CNTN4: variants seen among roughly 807,000 people sequenced by gnomAD.
CNTN4 encodes the protein contactin-4.
In CNTN4, 77 loss-of-function variants were observed where a neutral mutation model predicts 122.5. That is an observed-to-expected ratio of 0.63 (90% CI 0.52 to 0.76). The LOEUF is 0.76. Among genes scored for constraint, CNTN4 ranks in the 30% least tolerant of loss-of-function variants. The probability of loss-of-function intolerance (pLI) is 0.00; values close to 1 mark genes in which losing one functional copy is unlikely to be tolerated. For synonymous variants in CNTN4, 512 were observed against 447.0 expected (o/e 1.15, Z -1.83); for missense variants, 1,256 against 1,259.1 (o/e 1.00, Z 0.04).
At chr3:2,537,018 A>G (rs1337802963) in intron 3 of CNTN4, among the ~76,000 whole-genome samples, 2 of 152,146 alleles carry the variant, frequency 1.3e-5, no homozygotes, top group African/African-American at 2.4e-5. Flanking sequence ...TGCCTAATAT[A>G]TGAGTAGTAT....
intron 2 of CNTN4, among the ~76,000 whole-genome samples, chr3:2,267,930 C>T (rs1362595743): frequency 6.6e-6 from 1 of 151,808 alleles, no homozygotes; most frequent in Non-Finnish European, 1.5e-5. Context: ...GACTTTTACG[C>T]TAGAGTTATA....
At chr3:2,208,011 A>G (rs947403246) in intron 2 of CNTN4, among the ~76,000 whole-genome samples, 1 of 152,146 alleles carries the variant, frequency 6.6e-6, no homozygotes, top group Admixed American at 6.6e-5. Flanking sequence ...GAGATAGACA[A>G]GATTGATATT....
intron 3 of CNTN4, among the ~76,000 whole-genome samples, chr3:2,448,535 G>A (rs915501287): frequency 5.9e-5 from 9 of 152,126 alleles, no homozygotes; most frequent in African/African-American, 9.7e-5. Context: ...TTGAACACTC[G>A]AAAGCTATCG....
chr3:2,776,110 C>T (rs1360667409), intron 6 of CNTN4, among the ~76,000 whole-genome samples: 1 of 152,042 alleles, frequency 6.6e-6, no homozygotes, highest in Non-Finnish European at 1.5e-5. Context: ...GATGGCCACC[C>T]AGAAGGACAC....
At chr3:2,943,725 G>A (rs993201955) in intron 13 of CNTN4, among the ~76,000 whole-genome samples, 3 of 150,506 alleles carry the variant, frequency 2.0e-5, no homozygotes, top group African/African-American at 7.3e-5. Context: ...CCTGGTTCAA[G>A]CAATTCACCT....
chr3:2,629,120 A>C (rs1576279964), intron 4 of CNTN4, among the ~76,000 whole-genome samples: 1 of 152,170 alleles, frequency 6.6e-6, no homozygotes, highest in African/African-American at 2.4e-5. Flanking sequence ...CCCAAATGTG[A>C]CTATGAGGTC....
chr3:2,551,059 AC>A (rs2078482782), intron 3 of CNTN4, among the ~76,000 whole-genome samples: 1 of 151,978 alleles, frequency 6.6e-6, no homozygotes, highest in Non-Finnish European at 1.5e-5. Flanking sequence ...TATGTAACAA[AC>A]CTGCACGTTC....
intron 3 of CNTN4, among the ~76,000 whole-genome samples, chr3:2,375,775 G>C (rs2045792692): frequency 2.6e-5 from 4 of 152,098 alleles, no homozygotes; most frequent in African/African-American, 9.7e-5. Flanking sequence ...ATTTCATAAA[G>C]TTAGAGGACA....
intron 2 of CNTN4, among the ~76,000 whole-genome samples, chr3:2,260,221 G>C (rs1196934984): frequency 1.3e-5 from 2 of 151,964 alleles, no homozygotes; most frequent in East Asian, 3.9e-4. Flanking sequence ...GATATTTTGG[G>C]CCAGGTGATT....
rs141631423 is a variant in CNTN4 at position 2,958,414 on chromosome 3, T to A, written c.1359-29931T>A. Among the ~76,000 whole-genome samples the A allele has an allele frequency of 3.3e-4, 51 of 152,342 alleles. No individual in the cohort carries two copies. In the East Asian group the frequency reaches 9.8e-3, roughly 29 times the overall value. On this transcript the variant is annotated intron_variant, in intron 13 of 24. Transcript: ENST00000418658. Reference sequence around the variant, plus strand: ...TAGATATTGGACCATGGAAATTCACTGGCATAACTCAGTTTATTGAATTCT... The same window carrying A: ...TAGATATTGGACCATGGAAATTCACAGGCATAACTCAGTTTATTGAATTCT...
At chr3:2,542,851 C>T (rs939526456) in intron 3 of CNTN4, among the ~76,000 whole-genome samples, 6 of 152,094 alleles carry the variant, frequency 3.9e-5, no homozygotes, top group African/African-American at 1.4e-4. Flanking sequence ...GGGACTGACT[C>T]AGTGCTCTTT....
At chr3:2,483,291 T>C (rs935009418) in intron 3 of CNTN4, among the ~76,000 whole-genome samples, 7 of 152,152 alleles carry the variant, frequency 4.6e-5, no homozygotes, top group African/African-American at 1.7e-4. Flanking sequence ...ATGTCTTCCA[T>C]TTGGAATGGG....
chr3:2,266,843 T>G (rs2041071094), intron 2 of CNTN4, among the ~76,000 whole-genome samples: 1 of 152,104 alleles, frequency 6.6e-6, no homozygotes, highest in African/African-American at 2.4e-5. Flanking sequence ...GTTGGTTTGC[T>G]TGGCTTGGAA....
chr3:2,244,268 A>G (rs980970851), intron 2 of CNTN4, among the ~76,000 whole-genome samples: 1 of 152,110 alleles, frequency 6.6e-6, no homozygotes, highest in Non-Finnish European at 1.5e-5. Context: ...TGTCATCTCA[A>G]AATATCTTAT....
At chr3:2,265,041 T>C (rs1818849) in intron 2 of CNTN4, among the ~76,000 whole-genome samples, 77,240 of 151,276 alleles carry the variant, frequency 0.51, 20,613 homozygotes, top group South Asian at 0.65. Flanking sequence ...GTCCCCAAAG[T>C]CCATTGTATC....
At chr3:2,594,751 T>C (rs561282021) in intron 4 of CNTN4, among the ~76,000 whole-genome samples, 1 of 149,708 alleles carries the variant, frequency 6.7e-6, no homozygotes, top group African/African-American at 2.5e-5. Flanking sequence ...TCCTTCACAT[T>C]AGATCAGAAG....
chr3:2,730,919 G>GA (rs200832277), intron 4 of CNTN4, among the ~76,000 whole-genome samples: 98 of 148,152 alleles, frequency 6.6e-4, no homozygotes, highest in Non-Finnish European at 1.1e-3. Context: ...TTAATTAAAA[G>GA]AAAAAAAAAT....
At chr3:3,033,023 A>G (rs890381790) in intron 16 of CNTN4, among the ~76,000 whole-genome samples, 1 of 152,172 alleles carries the variant, frequency 6.6e-6, no homozygotes, top group Non-Finnish European at 1.5e-5. Flanking sequence ...TTCTTCCTAT[A>G]GAGAGGCCAA....
chr3:2,158,540 T>C (rs575643531), intron 2 of CNTN4, among the ~76,000 whole-genome samples: 2 of 152,366 alleles, frequency 1.3e-5, no homozygotes, highest in African/African-American at 2.4e-5. Flanking sequence ...TATTGTTTGC[T>C]CTTCCACATC....
Sources: gnomAD v4.1 joint callset for allele counts (sites outside exome capture counted in the v4.1 genomes callset) on GRCh38, gnomAD v4.1.1 for gene constraint, MANE v1.5 for transcripts, NCBI Gene and HGNC (gene_info 2026-07-23, HGNC 2026-07-21) for gene names.